The following EFCAB14 variants were observed in gnomAD, a reference collection of about 807,000 sequenced individuals.
The protein encoded by EFCAB14 is EF-hand calcium-binding domain-containing protein 14.
A neutral mutation model predicts 56.5 loss-of-function variants in EFCAB14; 43 were observed. The ratio of observed to expected loss-of-function variants is 0.76; its 90% CI spans 0.60 to 0.98. The LOEUF is 0.98. EFCAB14 is among the 50% of genes least tolerant of loss of function. The pLI, the probability that EFCAB14 is intolerant of heterozygous loss-of-function variation, is 0.00. For missense variants in EFCAB14, 538 were observed against 580.3 expected, an observed-to-expected ratio of 0.93 and a Z score of 0.75; for synonymous variants, 235 against 212.9, an observed-to-expected ratio of 1.10 and a Z score of -0.90.
At position 46,693,080 on chromosome 1, in the gene EFCAB14, GA is replaced by G. The variant is rs1249270576; in HGVS notation, c.580-1144del. ...TTGGGAAACTCAATACTGCAGAGATGAAAAAAAAGTAGAATCCTGTCAGCAA... is the reference window on the plus strand; with the variant it reads ...TTGGGAAACTCAATACTGCAGAGATGAAAAAAAGTAGAATCCTGTCAGCAA... On this transcript the variant is annotated intron_variant, in intron 4 of 10. Transcript: ENST00000371933. Among the ~76,000 whole-genome samples, 7 of 151,790 alleles carry G rather than the reference GA, an allele frequency of 4.6e-5. No individual in the cohort carries two copies. The East Asian group carries it at 1.2e-3, about 25-fold the overall frequency.
At chr1:46,701,146 G>A (rs1677150326) in intron 3 of EFCAB14, among the ~76,000 whole-genome samples, 1 of 152,122 alleles carries the variant, frequency 6.6e-6, no homozygotes, top group Non-Finnish European at 1.5e-5. Context: ...GACAAAAGAT[G>A]AGAAAGAAAT....
At chr1:46,701,354 G>T (rs753605412) in intron 3 of EFCAB14, among the ~76,000 whole-genome samples, 4 of 151,328 alleles carry the variant, frequency 2.6e-5, no homozygotes, top group Admixed American at 6.6e-5. Flanking sequence ...TTCAAGATCA[G>T]TTTGAAGGGC....
At position 46,718,358 on chromosome 1, in the gene EFCAB14, A is replaced by G. The variant is rs1677431035; in HGVS notation, c.-271T>C. ...CCAAAGGATAAGGCCTTGGGTGCAG[A>G]GTGTTAGTAGAGGGTGGAGAGGGAC... On this transcript the variant is annotated 5_prime_UTR_variant, in exon 1 of 11. Coordinates refer to ENST00000371933, the MANE Select transcript of EFCAB14 (RefSeq NM_014774.3). 2 of 342,494 alleles carry G rather than the reference A, an allele frequency of 5.8e-6. No individual in the cohort carries two copies. Among genetic ancestry groups the G allele is most frequent in the South Asian group, 1.2e-4 (2 of 16,410 alleles). 21.2% of individuals were successfully genotyped at this position (342,494 alleles called of 1,614,324 possible). A position where few individuals can be genotyped will look rare whatever the true frequency, so the allele number is the denominator to read the frequency against.
Position 46,718,331 on chromosome 1 carries a change from C to G in EFCAB14, c.-244G>C, listed in dbSNP as rs1423288623. 2 of 469,040 alleles carry G rather than the reference C, an allele frequency of 4.3e-6. No individual in the cohort carries two copies. The allele number at this position is 469,040 out of a possible 1,614,324, so 29.1% of individuals were successfully genotyped here. Reference sequence around the variant, plus strand: ...ATAGAAATGGCCAAGGAGCTGGTGACCCCAAAGGATAAGGCCTTGGGTGCA... The same window carrying G: ...ATAGAAATGGCCAAGGAGCTGGTGAGCCCAAAGGATAAGGCCTTGGGTGCA... On this transcript the variant is annotated 5_prime_UTR_variant, in exon 1 of 11. Coordinates refer to ENST00000371933, the MANE Select transcript of EFCAB14 (RefSeq NM_014774.3).
chr1:46,705,448 GA>G (rs1051046696), intron 3 of EFCAB14, among the ~76,000 whole-genome samples: 7 of 152,156 alleles, frequency 4.6e-5, no homozygotes, highest in African/African-American at 1.7e-4. Flanking sequence ...ACGTTGATGG[GA>G]AAAAAATCTG....
rs758261830 is a variant in EFCAB14 at position 46,708,029 on chromosome 1, T to C, written c.357A>G (p.Ser119=). ...CATTAAGTTTGGGGATTTCTTGGAA[T>C]GAGCTTTTCTGATTAGATTCCACTA... ...FRTMESNQKS[S]FQEIPKLNEE... The change falls in exon 3 of 11, where the codon TCA becomes TCG. Residue 119 remains serine, a synonymous_variant. Coordinates refer to ENST00000371933, the MANE Select transcript of EFCAB14 (RefSeq NM_014774.3). 6.2e-7 allele frequency: 1 copy of C among 1,612,122 alleles called. No individual in the cohort carries two copies. The highest frequency in any genetic ancestry group is 8.5e-7 in the Non-Finnish European group (1 of 1,179,602).
intron 3 of EFCAB14, among the ~76,000 whole-genome samples, chr1:46,699,808 G>A (rs951512235): frequency 1.3e-5 from 2 of 152,164 alleles, no homozygotes; most frequent in African/African-American, 2.4e-5. Context: ...TAAGTAACTT[G>A]CTTCTACAGA....
At position 46,676,038 on chromosome 1, in the gene EFCAB14, C is replaced by G. The variant is rs1041361687; in HGVS notation, c.*2423G>C. 9 of 152,188 alleles carry G rather than the reference C, an allele frequency of 5.9e-5. No homozygotes were observed. Among genetic ancestry groups the G allele is most frequent in the Non-Finnish European group, 1.2e-4 (8 of 68,032 alleles). 9.4% of individuals were successfully genotyped at this position (152,188 alleles called of 1,614,324 possible). On this transcript the variant is annotated 3_prime_UTR_variant, in exon 11 of 11. Coordinates refer to ENST00000371933, the MANE Select transcript of EFCAB14 (RefSeq NM_014774.3). ...GGCTTGACTACAGCTAAATACAAGT[C>G]ACAGGCTTAGTAAGTTAAGACAACA...
chr1:46,714,732 G>T (rs1569740416), intron 2 of EFCAB14, among the ~76,000 whole-genome samples: 2 of 151,028 alleles, frequency 1.3e-5, no homozygotes, highest in African/African-American at 4.9e-5. Context: ...AGCCCATGAA[G>T]TCAAGGCTGC....
chr1:46,679,599 G>GTTTTTTTTTTTT lies in EFCAB14; in HGVS notation c.1313-975_1313-964dup, dbSNP rs60875639. On this transcript the variant is annotated intron_variant, in intron 10 of 10. Coordinates refer to ENST00000371933, the MANE Select transcript of EFCAB14 (RefSeq NM_014774.3). ...ATTATAGGCGTGAACCACCACGCCT[G>GTTTTTTTTTTTT]TTTTTTTTTTTTTTTTTTTTTTTTT... 7.7e-4 allele frequency among the ~76,000 whole-genome samples: 28 copies of GTTTTTTTTTTTT among 36,522 alleles called. 10 individuals are homozygous for GTTTTTTTTTTTT. The highest frequency in any genetic ancestry group is 2.0e-3 in the Admixed American group (4 of 2,042). 24.0% of individuals were successfully genotyped at this position (36,522 alleles called of 152,430 possible). A position where few individuals can be genotyped will look rare whatever the true frequency, so the allele number is the denominator to read the frequency against.
At chr1:46,714,287 T>C (rs140617234) in intron 2 of EFCAB14, among the ~76,000 whole-genome samples, 1 of 152,308 alleles carries the variant, frequency 6.6e-6, no homozygotes, top group African/African-American at 2.4e-5. Context: ...GCCAGATTTC[T>C]TTATGACCTT....
In EFCAB14 at chr1:46,678,449, T is replaced by C. The variant is rs771619127; in HGVS notation, c.*12A>G. ...TATTAGGCAGTCCATTTCTAAAATA[T>C]GCCTGATGAAGCTAGATACCTAAAG... On this transcript the variant is annotated 3_prime_UTR_variant, in exon 11 of 11. Transcript: ENST00000371933. 3.7e-6 allele frequency: 6 copies of C among 1,613,724 alleles called. No individual in the cohort carries two copies. In the African/African-American group the frequency reaches 5.3e-5, roughly 14 times the overall value.
In EFCAB14 at chr1:46,689,536, C is replaced by T. The variant is rs1404134735; in HGVS notation, c.795+51G>A. The T allele has an allele frequency of 3.8e-6, 6 of 1,569,280 alleles. No homozygotes were observed. The South Asian group carries it at 5.6e-5, about 15-fold the overall frequency. On this transcript the variant is annotated intron_variant, in intron 6 of 10. Transcript: ENST00000371933. The stretch of plus-strand genomic sequence containing the variant: ...ACACTAAGCCCAAACTATTTGGCTG[C>T]CTCTGCAGTGCACTGTGGTCACAGG...
chr1:46,702,153 CA>C (rs1265394161), intron 3 of EFCAB14, among the ~76,000 whole-genome samples: 3 of 152,160 alleles, frequency 2.0e-5, no homozygotes, highest in African/African-American at 7.2e-5. Flanking sequence ...GACTTTTATG[CA>C]TATTACATGA....
intron 4 of EFCAB14, among the ~76,000 whole-genome samples, chr1:46,696,148 CAG>C (rs1677075526): frequency 1.4e-5 from 2 of 148,092 alleles, no homozygotes; most frequent in South Asian, 4.2e-4. Context: ...TGGAAAGTAA[CAG>C]AGATTTAGGG....
intron 3 of EFCAB14, among the ~76,000 whole-genome samples, chr1:46,705,544 G>A (rs2148848674): frequency 6.6e-6 from 1 of 152,258 alleles, no homozygotes; most frequent in South Asian, 2.1e-4. Flanking sequence ...TCACAAAACT[G>A]TGCATGTTAG....
intron 5 of EFCAB14, among the ~76,000 whole-genome samples, chr1:46,690,479 AC>A (rs1262499621): frequency 6.6e-6 from 1 of 152,200 alleles, no homozygotes; most frequent in East Asian, 1.9e-4. Flanking sequence ...TCTGAAATCA[AC>A]CCTGTTTTTA....
intron 1 of EFCAB14, among the ~76,000 whole-genome samples, chr1:46,717,683 A>G (rs565461788): frequency 6.6e-6 from 1 of 152,120 alleles, no homozygotes; most frequent in East Asian, 1.9e-4. Flanking sequence ...TCCACCTCAG[A>G]TTTGGAGCTT....
chr1:46,688,245 T>A (rs186262791), intron 7 of EFCAB14, 108 bp downstream of exon 7: 2 of 1,048,466 alleles, frequency 1.9e-6, no homozygotes, highest in East Asian at 2.4e-5. Context: ...ACAACACAAA[T>A]GTGTGGCCTC....
Sources: allele counts gnomAD v4.1 joint callset (sites outside exome capture counted in the v4.1 genomes callset), GRCh38; gene constraint gnomAD v4.1.1; transcripts MANE v1.5; gene names NCBI Gene and HGNC (gene_info 2026-07-23, HGNC 2026-07-21).